The following FAM135A variants were observed in gnomAD, a reference collection of about 807,000 sequenced individuals.
FAM135A encodes protein FAM135A.
A neutral mutation model predicts 146.8 loss-of-function variants in FAM135A; 79 were observed. The observed-to-expected ratio is 0.54, with a 90% confidence interval of 0.45 to 0.65. FAM135A has a LOEUF of 0.65. FAM135A is among the 30% of genes least tolerant of loss of function. The pLI is 0.00. For synonymous variants in FAM135A, 562 were observed against 603.6 expected (o/e 0.93, Z 1.01); for missense variants, 1,623 against 1,758.2 (o/e 0.92, Z 1.38).
At position 70,428,363 on chromosome 6, in the gene FAM135A, G is replaced by A; in HGVS notation, c.21G>A (p.Met7Ile). 1 of 1,600,264 alleles carries A rather than the reference G, an allele frequency of 6.2e-7. No homozygotes were observed. The change falls in exon 4 of 22, where the codon ATG becomes ATA. Residue 7 changes from methionine (M) to isoleucine (I), a missense_variant. Coordinates refer to ENST00000418814, the MANE Select transcript of FAM135A (RefSeq NM_001162529.3). MTEVQA[M>I]VEFSVELNKF... is the part of the protein sequence containing the mutation. ...TAAAAATGACTGAAGTTCAAGCAAT[G>A]GTAGAATTCTCTGTGGAGCTAAACA...
At chr6:70,496,647 C>G (rs1787345718) in intron 11 of FAM135A, among the ~76,000 whole-genome samples, 1 of 152,106 alleles carries the variant, frequency 6.6e-6, no homozygotes, top group Admixed American at 6.5e-5. Context: ...GTTCTTACAT[C>G]TAAGTCTTTA....
chr6:70,502,270 T>C (rs560130286), intron 11 of FAM135A, among the ~76,000 whole-genome samples: 1 of 148,622 alleles, frequency 6.7e-6, no homozygotes, highest in Admixed American at 6.6e-5. Flanking sequence ...TTCAAAACAA[T>C]TATAACTCTC....
In FAM135A at chr6:70,472,285, G is replaced by C. The variant is rs113786030; in HGVS notation, c.158-3125G>C. Among the ~76,000 whole-genome samples, 1,192 of 152,286 alleles carry C rather than the reference G, an allele frequency of 7.8e-3. 10 individuals carry two copies. The highest frequency in any genetic ancestry group is 0.013 in the Non-Finnish European group (875 of 68,022). On this transcript the variant is annotated intron_variant, in intron 5 of 21. Transcript: ENST00000418814. ...CAACAAAATTTACTTTCATTGAGGA[G>C]AATTTCTTTCCCTTCTCAGCTCTTC... is the stretch of plus-strand genomic sequence containing the variant.
Position 70,502,807 on chromosome 6 carries a change from G to A in FAM135A, c.1029+16G>A, listed in dbSNP as rs1205720121. On this transcript the variant is annotated intron_variant, in intron 12 of 21. Coordinates refer to ENST00000418814, the MANE Select transcript of FAM135A (RefSeq NM_001162529.3). Reference sequence around the variant, plus strand: ...TACTTTGAGGGTAAGTTAAAGAGAAGTGATTTTAGAGCATTTTAATGAGTA... The same window carrying A: ...TACTTTGAGGGTAAGTTAAAGAGAAATGATTTTAGAGCATTTTAATGAGTA... 1 of 1,598,072 alleles carries A rather than the reference G, an allele frequency of 6.3e-7. No homozygotes were observed. Among genetic ancestry groups the A allele is most frequent in the South Asian group, 1.1e-5 (1 of 87,442 alleles).
Position 70,560,065 on chromosome 6 carries a change from A to C in FAM135A, c.*144A>C, listed in dbSNP as rs1801654189. ...AAGATAATTTATATCATCCATGTTTAGTGCTTTTTAAACATCAACTTTACT... is the reference window on the plus strand; with the variant it reads ...AAGATAATTTATATCATCCATGTTTCGTGCTTTTTAAACATCAACTTTACT... On this transcript the variant is annotated 3_prime_UTR_variant, in exon 22 of 22. Transcript: ENST00000418814. 1.5e-6 allele frequency: 1 copy of C among 649,552 alleles called. No individual in the cohort carries two copies. 40.2% of individuals were successfully genotyped at this position (649,552 alleles called of 1,614,324 possible). A position where few individuals can be genotyped will look rare whatever the true frequency, so the allele number is the denominator to read the frequency against.
intron 4 of FAM135A, among the ~76,000 whole-genome samples, chr6:70,442,914 A>G (rs1011820407): frequency 1.3e-5 from 2 of 152,214 alleles, no homozygotes; most frequent in African/African-American, 4.8e-5. Flanking sequence ...TTATTCAACC[A>G]GTCCCCTATT....
chr6:70,477,091 A>C, intron 7 of FAM135A, 68 bp from the exon 8 acceptor site: 4 of 1,417,220 alleles, frequency 2.8e-6, no homozygotes, highest in Non-Finnish European at 3.8e-6. Flanking sequence ...TATAGTTTCA[A>C]CTACTTTATA....
intron 3 of FAM135A, among the ~76,000 whole-genome samples, chr6:70,427,220 A>T (rs1008892416): frequency 1.3e-5 from 2 of 152,120 alleles, no homozygotes; most frequent in African/African-American, 4.8e-5. Flanking sequence ...TAATTATAAC[A>T]TGTTCCCAGT....
chr6:70,511,682 T>C (rs1418794990), intron 12 of FAM135A, among the ~76,000 whole-genome samples: 1 of 151,948 alleles, frequency 6.6e-6, no homozygotes, highest in East Asian at 1.9e-4. Context: ...ATGATTAGGA[T>C]ACTTTCTGGA....
At position 70,524,509 on chromosome 6, in the gene FAM135A, G is replaced by A; in HGVS notation, c.1425G>A (p.Gln475=). 6.4e-7 allele frequency: 1 copy of A among 1,551,148 alleles called. No homozygotes were observed. Among genetic ancestry groups the A allele is most frequent in the Non-Finnish European group, 8.7e-7 (1 of 1,146,738 alleles). The change falls in exon 15 of 22, where the codon CAG becomes CAA. Residue 475 remains glutamine (Q), a synonymous_variant. Transcript: ENST00000418814. ...SSIWYTEGEK[Q]LTKSLKGKNE... ...TTTGGTATACAGAAGGTGAAAAGCA[G>A]CTAACAAAATCTCTAAAAGGAAAGA...
intron 2 of FAM135A, among the ~76,000 whole-genome samples, chr6:70,424,883 G>A (rs1472183193): frequency 3.9e-5 from 6 of 152,084 alleles, no homozygotes; most frequent in East Asian, 1.9e-4. Context: ...TATTAGTATC[G>A]TAGTAGTATG....
At chr6:70,461,884 A>G (rs1447417177) in intron 5 of FAM135A, among the ~76,000 whole-genome samples, 1 of 152,218 alleles carries the variant, frequency 6.6e-6, no homozygotes, top group Non-Finnish European at 1.5e-5. Context: ...TGTAATAGAT[A>G]TAATCCTTCT....
chr6:70,429,832 A>C (rs1362047642), intron 4 of FAM135A, among the ~76,000 whole-genome samples: 2 of 152,222 alleles, frequency 1.3e-5, no homozygotes, highest in African/African-American at 4.8e-5. Flanking sequence ...TCAAGATATA[A>C]ATCTGGAGAT....
intron 12 of FAM135A, among the ~76,000 whole-genome samples, chr6:70,516,481 T>C (rs1170840863): frequency 6.6e-6 from 1 of 152,002 alleles, no homozygotes; most frequent in African/African-American, 2.4e-5. Context: ...CAGTGAATTC[T>C]TATTAGCTTT....
At chr6:70,548,208 A>G (rs1799191984) in intron 20 of FAM135A, among the ~76,000 whole-genome samples, 1 of 152,194 alleles carries the variant, frequency 6.6e-6, no homozygotes, top group Non-Finnish European at 1.5e-5. Flanking sequence ...CAAAAGGTTC[A>G]AAAAGGGCCA....
chr6:70,501,790 A>G lies in FAM135A; in HGVS notation c.874-846A>G, dbSNP rs1788613994. On this transcript the variant is annotated intron_variant, in intron 11 of 21. Transcript: ENST00000418814. ...CTTCTACTCACCCTCCGTGGGTTGG[A>G]CTCACTGCCTAACCAGTGCCAATGT... Among the ~76,000 whole-genome samples the G allele has an allele frequency of 2.6e-5, 4 of 152,080 alleles. No homozygotes were observed. In the South Asian group the frequency reaches 8.3e-4, roughly 32 times the overall value.
intron 16 of FAM135A, 27 bp from the exon 17 acceptor site, chr6:70,533,133 C>G (rs755136014): frequency 4.5e-6 from 7 of 1,567,980 alleles, no homozygotes; most frequent in Non-Finnish European, 6.1e-6. Flanking sequence ...TTATCTCATC[C>G]TTTAAACATC....
At chr6:70,493,779 G>A (rs549883141) in intron 11 of FAM135A, among the ~76,000 whole-genome samples, 4 of 152,250 alleles carry the variant, frequency 2.6e-5, no homozygotes, top group African/African-American at 7.2e-5. Flanking sequence ...TTGGCCGGGT[G>A]CGGTGGCTCA....
intron 2 of FAM135A, among the ~76,000 whole-genome samples, chr6:70,420,778 A>G (rs1393190228): frequency 6.6e-6 from 1 of 152,190 alleles, no homozygotes; most frequent in Non-Finnish European, 1.5e-5. Flanking sequence ...GATGTGATAA[A>G]TATTTTAAAA....
Sources: gnomAD v4.1 joint callset for allele counts (sites outside exome capture counted in the v4.1 genomes callset) on GRCh38, gnomAD v4.1.1 for gene constraint, MANE v1.5 for transcripts, NCBI Gene and HGNC (gene_info 2026-07-23, HGNC 2026-07-21) for gene names.